Variants in SLC44A5 observed in about 807,000 individuals in gnomAD.
The protein encoded by SLC44A5 is choline transporter-like protein 5.
In SLC44A5, 57 loss-of-function variants were observed where a neutral mutation model predicts 101.8. The observed-to-expected ratio is 0.56, with a 90% confidence interval of 0.45 to 0.70. The LOEUF (loss-of-function observed/expected upper bound fraction) is 0.70. Among genes scored for constraint, SLC44A5 ranks in the 30% least tolerant of loss-of-function variants. The pLI, the probability that SLC44A5 is intolerant of heterozygous loss-of-function variation, is 0.00. For missense variants in SLC44A5, 737 were observed against 853.1 expected (o/e 0.86, Z 1.70); for synonymous variants, 281 against 290.9 (o/e 0.97, Z 0.35).
chr1:75,522,434 G>A (rs991299016), intron 2 of SLC44A5, among the ~76,000 whole-genome samples: 2 of 151,110 alleles, frequency 1.3e-5, no homozygotes, highest in African/African-American at 4.9e-5. Context: ...TTTCTTTCCT[G>A]GTGTAATGTT....
chr1:75,437,838 T>C (rs1413579409), intron 2 of SLC44A5, among the ~76,000 whole-genome samples: 1 of 152,106 alleles, frequency 6.6e-6, no homozygotes, highest in East Asian at 1.9e-4. Flanking sequence ...GAGGAGAGAT[T>C]GTTAAAAGAG....
intron 1 of SLC44A5, among the ~76,000 whole-genome samples, chr1:75,558,331 A>G (rs1672332263): frequency 6.6e-6 from 1 of 152,174 alleles, no homozygotes; most frequent in Non-Finnish European, 1.5e-5. Context: ...AACATTGCCA[A>G]AGATCAAGTG....
At chr1:75,600,163 A>G (rs1281444216) in intron 1 of SLC44A5, among the ~76,000 whole-genome samples, 1 of 152,162 alleles carries the variant, frequency 6.6e-6, no homozygotes, top group Non-Finnish European at 1.5e-5. Context: ...AAGAGTAGTG[A>G]CTGACTTTAT....
chr1:75,694,846 G>A, the SLC44A5 span, among the ~76,000 whole-genome samples: 4 of 152,156 alleles, frequency 2.6e-5, no homozygotes, highest in East Asian at 5.8e-4. Context: ...ATTCTAAGTC[G>A]TTCAAAATGG....
chr1:75,406,543 A>G (rs917779318), intron 2 of SLC44A5, among the ~76,000 whole-genome samples: 4 of 152,240 alleles, frequency 2.6e-5, no homozygotes, highest in Non-Finnish European at 5.9e-5. Context: ...CCTGGGATGT[A>G]AGGCTGGTTC....
At chr1:75,476,808 C>G (rs571976726) in intron 2 of SLC44A5, among the ~76,000 whole-genome samples, 3 of 152,366 alleles carry the variant, frequency 2.0e-5, no homozygotes, top group Admixed American at 2.0e-4. Context: ...TCTGTAGGCT[C>G]CACCTCTGGG....
intron 10 of SLC44A5, among the ~76,000 whole-genome samples, chr1:75,238,041 T>A (rs796197246): frequency 3.9e-5 from 6 of 152,120 alleles, no homozygotes; most frequent in African/African-American, 1.4e-4. Flanking sequence ...TTATACTTAG[T>A]ACATAGAAAT....
chr1:75,603,197 T>C (rs1675092733), intron 1 of SLC44A5, among the ~76,000 whole-genome samples: 1 of 152,086 alleles, frequency 6.6e-6, no homozygotes, highest in Non-Finnish European at 1.5e-5. Flanking sequence ...TTAGTACCTG[T>C]TGTTTAGCTC....
At chr1:75,217,768 A>T in intron 18 of SLC44A5, 98 bp downstream of exon 18, 1 of 790,534 alleles carries the variant, frequency 1.3e-6, no homozygotes, top group Non-Finnish European at 2.2e-6. Context: ...ATGCCCTTTC[A>T]TCCTTACTAC....
intron 6 of SLC44A5, among the ~76,000 whole-genome samples, chr1:75,251,730 T>G (rs940926517): frequency 6.6e-6 from 1 of 152,220 alleles, no homozygotes; most frequent in Non-Finnish European, 1.5e-5. Context: ...TTATATTGCT[T>G]AGTTTATTTT....
the SLC44A5 span, among the ~76,000 whole-genome samples, chr1:75,686,724 G>A: frequency 3.3e-5 from 5 of 152,168 alleles, no homozygotes; most frequent in African/African-American, 1.2e-4. Flanking sequence ...TCAGGAAATT[G>A]GAAGCTATTA....
At chr1:75,487,455 A>G (rs753602778) in intron 2 of SLC44A5, among the ~76,000 whole-genome samples, 11 of 152,332 alleles carry the variant, frequency 7.2e-5, no homozygotes, top group Middle Eastern at 3.4e-3. Flanking sequence ...AAACAATTAC[A>G]GAAAAGTGTG....
chr1:75,722,196 T>C, the SLC44A5 span, among the ~76,000 whole-genome samples: 15 of 152,144 alleles, frequency 9.9e-5, no homozygotes, highest in South Asian at 2.3e-3. Flanking sequence ...TAGGTGATAA[T>C]GATATTGAGA....
intron 1 of SLC44A5, among the ~76,000 whole-genome samples, chr1:75,588,916 A>G (rs182059063): frequency 1.1e-3 from 168 of 152,346 alleles, no homozygotes; most frequent in Admixed American, 3.4e-3. Context: ...TTTGATAAAT[A>G]TTATAACAAG....
At chr1:75,705,841 A>G in the SLC44A5 span, among the ~76,000 whole-genome samples, 5 of 151,806 alleles carry the variant, frequency 3.3e-5, no homozygotes, top group Admixed American at 3.3e-4. Context: ...ACCACGCCGG[A>G]CTAATTTTTG....
At chr1:75,449,237 G>T (rs922326261) in intron 2 of SLC44A5, among the ~76,000 whole-genome samples, 3 of 152,036 alleles carry the variant, frequency 2.0e-5, no homozygotes, top group Admixed American at 6.6e-5. Context: ...TTTAATTTTG[G>T]CTTGTTGCTT....
intron 12 of SLC44A5, among the ~76,000 whole-genome samples, chr1:75,229,467 A>G (rs533041179): frequency 6.6e-6 from 1 of 152,166 alleles, no homozygotes; most frequent in African/African-American, 2.4e-5. Context: ...CTTCTTCAAC[A>G]CACTCTTATG....
the SLC44A5 span, among the ~76,000 whole-genome samples, chr1:75,664,929 GAAAAAAAAA>G: frequency 1.5e-5 from 2 of 130,190 alleles, no homozygotes; most frequent in African/African-American, 5.3e-5. Flanking sequence ...TCAAAAAAAA[GAAAAAAAAA>G]AAAAAAAGAA....
intron 2 of SLC44A5, among the ~76,000 whole-genome samples, chr1:75,510,542 A>G (rs1395002102): frequency 6.6e-6 from 1 of 152,216 alleles, no homozygotes; most frequent in African/African-American, 2.4e-5. Flanking sequence ...GTTGGGGAAT[A>G]TGAATATCGC....
Sources: allele counts gnomAD v4.1 joint callset (sites outside exome capture counted in the v4.1 genomes callset), GRCh38; gene constraint gnomAD v4.1.1; transcripts MANE v1.5; gene names NCBI Gene and HGNC (gene_info 2026-07-23, HGNC 2026-07-21).